SYNPR: variants seen among roughly 807,000 people sequenced by gnomAD.
SYNPR encodes synaptoporin.
In SYNPR, 23 loss-of-function variants were observed where a neutral mutation model predicts 32.9. The observed-to-expected ratio is 0.70, with a 90% CI of 0.50 to 0.99. The LOEUF (loss-of-function observed/expected upper bound fraction) is 0.99. Among genes scored for constraint, SYNPR ranks in the 50% least tolerant of loss-of-function variants. The probability of loss-of-function intolerance (pLI) is 0.00; values close to 1 mark genes in which losing one functional copy is unlikely to be tolerated. For synonymous variants in SYNPR, 146 were observed against 135.9 expected, an observed-to-expected ratio of 1.07 and a Z score of -0.52; for missense variants, 318 against 349.3, an observed-to-expected ratio of 0.91 and a Z score of 0.71.
Position 63,407,208 on chromosome 3 carries a change from A to G in SYNPR, c.85-73624A>G, listed in dbSNP as rs111742086. 3.9e-5 allele frequency among the ~76,000 whole-genome samples: 6 copies of G among 152,324 alleles called. 1 individual carries two copies. Among genetic ancestry groups the G allele is most frequent in the East Asian group, 1.9e-4 (1 of 5,190 alleles). On this transcript the variant is annotated intron_variant, in intron 2 of 5. Transcript: ENST00000478300. Reference sequence around the variant, plus strand: ...CAGTTTAGGACAGCAGTAATAATGAACCATTACAGCATAGACCAGGATTGG... The same window carrying G: ...CAGTTTAGGACAGCAGTAATAATGAGCCATTACAGCATAGACCAGGATTGG...
At chr3:63,563,235 G>C (rs1327199913) in intron 4 of SYNPR, among the ~76,000 whole-genome samples, 1 of 152,126 alleles carries the variant, frequency 6.6e-6, no homozygotes. Context: ...CAATTGCTAG[G>C]TTGAACCATC....
intron 3 of SYNPR, among the ~76,000 whole-genome samples, chr3:63,554,968 T>G (rs1027619432): frequency 5.9e-5 from 9 of 152,120 alleles, no homozygotes; most frequent in Non-Finnish European, 1.3e-4. Flanking sequence ...TTATTTTCTT[T>G]GTGGCTATGG....
At chr3:63,441,219 T>C (rs1023633010) in intron 2 of SYNPR, among the ~76,000 whole-genome samples, 1 of 152,186 alleles carries the variant, frequency 6.6e-6, no homozygotes. Flanking sequence ...AATAAAATGA[T>C]ATACCAAAAA....
intron 2 of SYNPR, among the ~76,000 whole-genome samples, chr3:63,347,103 G>A (rs544281124): frequency 1.3e-5 from 2 of 152,278 alleles, no homozygotes; most frequent in East Asian, 1.9e-4. Context: ...TGTAACTAAT[G>A]CAATGTTTGG....
At chr3:63,284,199 ATTCT>A (rs1348253176) in intron 2 of SYNPR, among the ~76,000 whole-genome samples, 4 of 152,056 alleles carry the variant, frequency 2.6e-5, no homozygotes, top group Admixed American at 2.0e-4. Flanking sequence ...GATGTTAGTA[ATTCT>A]TTCTTTACTA....
At chr3:63,402,519 A>T (rs984200469) in intron 2 of SYNPR, among the ~76,000 whole-genome samples, 1 of 152,216 alleles carries the variant, frequency 6.6e-6, no homozygotes, top group African/African-American at 2.4e-5. Context: ...TTGCTATTTC[A>T]TCGGGATTGA....
intron 2 of SYNPR, among the ~76,000 whole-genome samples, chr3:63,261,580 G>C (rs1011722831): frequency 1.2e-4 from 7 of 59,540 alleles, no homozygotes; most frequent in Non-Finnish European, 1.8e-4. Flanking sequence ...GTGGGGGGAG[G>C]GGGGAGGGAT....
At chr3:63,482,085 G>A (rs924177740) in intron 3 of SYNPR, among the ~76,000 whole-genome samples, 2 of 152,128 alleles carry the variant, frequency 1.3e-5, no homozygotes, top group African/African-American at 4.8e-5. Context: ...ATCTGAACTG[G>A]AAGAGTGCCT....
At chr3:63,524,511 G>A (rs1701970619) in intron 3 of SYNPR, among the ~76,000 whole-genome samples, 2 of 152,112 alleles carry the variant, frequency 1.3e-5, no homozygotes, top group African/African-American at 4.8e-5. Flanking sequence ...TTGAAGCGTG[G>A]CATTCTGGGT....
At chr3:63,276,145 G>A (rs2086572583), upstream of SYNPR, among the ~76,000 whole-genome samples, 1 of 152,108 alleles carries the variant, frequency 6.6e-6, no homozygotes, top group Non-Finnish European at 1.5e-5. Flanking sequence ...TATTCATCGT[G>A]GTAGAAGGAA....
intron 2 of SYNPR, among the ~76,000 whole-genome samples, chr3:63,422,504 C>T (rs1699817610): frequency 6.6e-6 from 1 of 152,126 alleles, no homozygotes; most frequent in Non-Finnish European, 1.5e-5. Context: ...AATTGTGGTG[C>T]TGGTTTTATG....
chr3:63,388,379 C>CTTTT (rs144044254), intron 2 of SYNPR, among the ~76,000 whole-genome samples: 1 of 83,592 alleles, frequency 1.2e-5, no homozygotes. Flanking sequence ...GTTTGGAGCT[C>CTTTT]TTTTTTTTTT....
intron 2 of SYNPR, among the ~76,000 whole-genome samples, chr3:63,252,859 G>A (rs2086345599): frequency 6.6e-6 from 1 of 151,934 alleles, no homozygotes; most frequent in African/African-American, 2.4e-5. Flanking sequence ...TGGCCAACAT[G>A]GTGAAACTGT....
At chr3:63,438,795 C>T (rs780575184) in intron 2 of SYNPR, among the ~76,000 whole-genome samples, 4 of 152,180 alleles carry the variant, frequency 2.6e-5, no homozygotes, top group African/African-American at 4.8e-5. Flanking sequence ...GATGTAAGTG[C>T]TCTCACTGCT....
the SYNPR span, among the ~76,000 whole-genome samples, chr3:63,210,034 T>C: frequency 5.9e-5 from 9 of 152,086 alleles, no homozygotes; most frequent in African/African-American, 2.2e-4. Flanking sequence ...TTTTTTTTTT[T>C]CCAAACAGGA....
At chr3:63,296,058 T>A (rs1365273581) in intron 2 of SYNPR, among the ~76,000 whole-genome samples, 1 of 152,088 alleles carries the variant, frequency 6.6e-6, no homozygotes, top group African/African-American at 2.4e-5. Flanking sequence ...GCCAGGCAGG[T>A]AATGCAGGAG....
At chr3:63,562,835 G>A (rs1702714526) in intron 4 of SYNPR, among the ~76,000 whole-genome samples, 1 of 152,116 alleles carries the variant, frequency 6.6e-6, no homozygotes, top group Non-Finnish European at 1.5e-5. Context: ...TGGGGTGCTG[G>A]ATTTTAATCT....
At chr3:63,361,505 A>G (rs905469223) in intron 2 of SYNPR, among the ~76,000 whole-genome samples, 1 of 151,124 alleles carries the variant, frequency 6.6e-6, no homozygotes, top group Non-Finnish European at 1.5e-5. Context: ...GGCTGAGGCA[A>G]GAGAATGGTG....
chr3:63,299,889 A>G (rs751434090), intron 2 of SYNPR, among the ~76,000 whole-genome samples: 2 of 152,158 alleles, frequency 1.3e-5, no homozygotes, highest in Non-Finnish European at 2.9e-5. Flanking sequence ...ATAGGTGGTG[A>G]CAGTCATTTG....
Sources: gnomAD v4.1 joint callset for allele counts (sites outside exome capture counted in the v4.1 genomes callset) on GRCh38, gnomAD v4.1.1 for gene constraint, MANE v1.5 for transcripts, NCBI Gene and HGNC (gene_info 2026-07-23, HGNC 2026-07-21) for gene names.